Variants in LANCL3 observed in about 807,000 individuals in gnomAD.
LANCL3 encodes the protein lanC-like protein 3.
In LANCL3, 19 loss-of-function variants were observed where a neutral mutation model predicts 26.5. The ratio of observed to expected loss-of-function variants is 0.72; its 90% CI spans 0.50 to 1.05. The LOEUF (loss-of-function observed/expected upper bound fraction) is 1.05. Ranked by LOEUF, LANCL3 falls within the 50% of genes least tolerant of loss-of-function variation. LANCL3 has a pLI of 0.00. For missense variants in LANCL3, 318 were observed against 362.7 expected (o/e 0.88, Z 1.00); for synonymous variants, 160 against 166.6 (o/e 0.96, Z 0.30).
chrX:37,596,360 A>G (rs1556419499), intron 1 of LANCL3, among the ~76,000 whole-genome samples: 1 of 112,139 alleles, frequency 8.9e-6, no homozygotes, highest in Non-Finnish European at 1.9e-5. Context: ...AGGTTCTACT[A>G]AAATTGTTGT....
intron 4 of LANCL3, among the ~76,000 whole-genome samples, chrX:37,668,104 ATG>A (rs1161688375): frequency 4.6e-5 from 5 of 107,529 alleles, no homozygotes; most frequent in South Asian, 8.0e-4. Context: ...ATACATATAT[ATG>A]TGTGTGTGTG....
rs1019542084 is a variant in LANCL3 at position 37,677,182 on chromosome X, A to G, written c.*1369A>G. On this transcript the variant is annotated 3_prime_UTR_variant, in exon 5 of 5. Coordinates refer to ENST00000378619, the MANE Select transcript of LANCL3 (RefSeq NM_001170331.2). ...TGTGTGTGTGTATGGTGTGTATTCC[A>G]TATCTATTCCCATGTAAATCCAAAT... 2 of 94,034 alleles carry G rather than the reference A, an allele frequency of 2.1e-5. No homozygotes were observed. Among genetic ancestry groups the G allele is most frequent in the Non-Finnish European group, 2.0e-5 (1 of 49,575 alleles). The allele number at this position is 94,034 out of a possible 1,213,427, so 7.7% of individuals were successfully genotyped here.
chrX:37,580,043 T>C (rs1366506322), intron 1 of LANCL3, among the ~76,000 whole-genome samples: 1 of 111,939 alleles, frequency 8.9e-6, no homozygotes, highest in Non-Finnish European at 1.9e-5. Flanking sequence ...AAAATGCATG[T>C]GTAGGATTTC....
At chrX:37,632,899 T>G (rs1556424792) in intron 1 of LANCL3, among the ~76,000 whole-genome samples, 1 of 111,640 alleles carries the variant, frequency 9.0e-6, no homozygotes, top group Admixed American at 9.5e-5. Context: ...TTTTCCTTCA[T>G]TTCAACTTTG....
chrX:37,638,624 T>G (rs1283516470), intron 1 of LANCL3, among the ~76,000 whole-genome samples: 1 of 112,065 alleles, frequency 8.9e-6, no homozygotes, highest in African/African-American at 3.3e-5. Flanking sequence ...ATTTTTGCTT[T>G]TTTATAAAAA....
chrX:37,608,010 A>C (rs1313296299), intron 1 of LANCL3, among the ~76,000 whole-genome samples: 1 of 112,264 alleles, frequency 8.9e-6, no homozygotes, highest in African/African-American at 3.2e-5. Flanking sequence ...AACTTTAAAA[A>C]ATCTGACATG....
In LANCL3 at chrX:37,655,727, A is replaced by G. The variant is rs144498482; in HGVS notation, c.613A>G (p.Ile205Val). 4.1e-5 allele frequency: 50 copies of G among 1,205,138 alleles called. No homozygotes were observed. Among genetic ancestry groups the G allele is most frequent in the African/African-American group, 1.2e-4 (7 of 57,576 alleles). Residue 205 changes from isoleucine to valine, a missense_variant, in exon 2 of 5, where the codon ATT (isoleucine) becomes GTT (valine). Physicochemically the swap from Ile to Val is conservative, Grantham distance 29 (BLOSUM62 3). Transcript: ENST00000378619. ...ACAGATCAAGTCAATTTGTCAGGCA[A>G]TTCTGGACTCTGGGAAGCAGTATGC... The part of the protein sequence containing the change: ...PAQIKSICQA[I>V]LDSGKQYAIK...
At chrX:37,664,008 G>C (rs1190696086) in intron 3 of LANCL3, among the ~76,000 whole-genome samples, 1 of 111,934 alleles carries the variant, frequency 8.9e-6, no homozygotes, top group Non-Finnish European at 1.9e-5. Flanking sequence ...TTGTATCCCT[G>C]TGTCATCCCT....
At chrX:37,669,231 C>T (rs782419378) in intron 4 of LANCL3, among the ~76,000 whole-genome samples, 3 of 111,086 alleles carry the variant, frequency 2.7e-5, no homozygotes, top group Non-Finnish European at 3.8e-5. Context: ...GAGACAGGGT[C>T]TCACTCAGGC....
chrX:37,624,582 A>G (rs1602112833), intron 1 of LANCL3, among the ~76,000 whole-genome samples: 1 of 112,234 alleles, frequency 8.9e-6, no homozygotes, highest in East Asian at 2.8e-4. Context: ...TAATGTAAAA[A>G]TAACACAATT....
rs145924573 is a variant in LANCL3 at position 37,617,850 on chromosome X, G to A, written c.574-37838G>A. ...TGCATGAAGAATGATTACTAGATGA[G>A]TTTGGCTAAAGCATATGAGTCTTAC... On this transcript the variant is annotated intron_variant, in intron 1 of 4. Transcript: ENST00000378619. 1.7e-3 allele frequency among the ~76,000 whole-genome samples: 185 copies of A among 111,706 alleles called. 1 individual carries two copies. The highest frequency in any genetic ancestry group is 5.8e-3 in the African/African-American group (179 of 30,758).
intron 1 of LANCL3, among the ~76,000 whole-genome samples, chrX:37,587,368 T>A (rs1199370797): frequency 8.9e-6 from 1 of 112,807 alleles, no homozygotes; most frequent in Admixed American, 9.3e-5. Flanking sequence ...TGCTGCCTTT[T>A]GTTCGGCTAT....
In LANCL3 at chrX:37,581,785, T is replaced by C. The variant is rs1923901387; in HGVS notation, c.573+9342T>C. Among the ~76,000 whole-genome samples, 3 of 112,260 alleles carry C rather than the reference T, an allele frequency of 2.7e-5. No individual in the cohort carries two copies. In the Admixed American group the frequency reaches 2.8e-4, roughly 11 times the overall value. ...AAACCCGAACTTATTATTTGTATTA[T>C]AATTTTTTTATTATACTTTAAGTTC... is the stretch of plus-strand genomic sequence containing the variant. On this transcript the variant is annotated intron_variant, in intron 1 of 4. Coordinates refer to ENST00000378619, the MANE Select transcript of LANCL3 (RefSeq NM_001170331.2).
At chrX:37,620,380 G>A (rs1312131112) in intron 1 of LANCL3, among the ~76,000 whole-genome samples, 1 of 112,023 alleles carries the variant, frequency 8.9e-6, no homozygotes, top group African/African-American at 3.2e-5. Context: ...AAGATAACTG[G>A]TAACACTTGG....
chrX:37,643,346 T>G (rs187283606), intron 1 of LANCL3, among the ~76,000 whole-genome samples: 2 of 112,385 alleles, frequency 1.8e-5, no homozygotes, highest in Admixed American at 1.9e-4. Flanking sequence ...ATGTTCACAT[T>G]AAAGAATTAC....
chrX:37,593,334 C>T lies in LANCL3; in HGVS notation c.573+20891C>T, dbSNP rs781811990. Among the ~76,000 whole-genome samples, 63 of 110,970 alleles carry T rather than the reference C, an allele frequency of 5.7e-4. 1 individual carries two copies. In the East Asian group the frequency reaches 0.014, roughly 24 times the overall value. On this transcript the variant is annotated intron_variant, in intron 1 of 4. Coordinates refer to ENST00000378619, the MANE Select transcript of LANCL3 (RefSeq NM_001170331.2). The stretch of plus-strand genomic sequence containing the variant: ...TATTGCTCAATGAATATTGATTTAG[C>T]CAAATAATGTGATACTATTATTTTG...
chrX:37,637,930 G>A (rs1925750791), intron 1 of LANCL3, among the ~76,000 whole-genome samples: 1 of 110,455 alleles, frequency 9.1e-6, no homozygotes, highest in Non-Finnish European at 1.9e-5. Context: ...ACCTGAATGA[G>A]GCTGAACCTG....
At chrX:37,608,789 T>C (rs1924782094) in intron 1 of LANCL3, among the ~76,000 whole-genome samples, 1 of 111,630 alleles carries the variant, frequency 9.0e-6, no homozygotes, top group Admixed American at 9.5e-5. Flanking sequence ...CACATTAACA[T>C]AGGAAAAAAG....
At chrX:37,636,978 C>T (rs1404205144) in intron 1 of LANCL3, among the ~76,000 whole-genome samples, 1 of 111,961 alleles carries the variant, frequency 8.9e-6, no homozygotes, top group Non-Finnish European at 1.9e-5. Flanking sequence ...TTCTATATTA[C>T]TTTTGGTTTA....
Sources: gnomAD v4.1 joint callset for allele counts (sites outside exome capture counted in the v4.1 genomes callset) on GRCh38, gnomAD v4.1.1 for gene constraint, MANE v1.5 for transcripts, NCBI Gene and HGNC (gene_info 2026-07-23, HGNC 2026-07-21) for gene names.